STIM1: variants seen among roughly 807,000 people sequenced by gnomAD.
STIM1 encodes stromal interaction molecule 1.
In STIM1, 25 loss-of-function variants were observed where a neutral mutation model predicts 74.7. The observed-to-expected ratio is 0.33, with a 90% CI of 0.24 to 0.47. STIM1 has a LOEUF of 0.47. Among genes scored for constraint, STIM1 ranks in the 20% least tolerant of loss-of-function variants. The probability of loss-of-function intolerance (pLI) is 1.00; values close to 1 mark genes in which losing one functional copy is unlikely to be tolerated. For synonymous variants in STIM1, 328 were observed against 348.8 expected (o/e 0.94, Z 0.66); for missense variants, 728 against 920.8 (o/e 0.79, Z 2.71).
At chr11:3,952,163 C>T (rs566937231) in intron 1 of STIM1, among the ~76,000 whole-genome samples, 2 of 152,138 alleles carry the variant, frequency 1.3e-5, no homozygotes, top group Non-Finnish European at 2.9e-5. Context: ...CCTGTAATCC[C>T]AGCACTTTGG....
chr11:4,088,133 C>G (rs907504939), intron 12 of STIM1, among the ~76,000 whole-genome samples: 2 of 152,094 alleles, frequency 1.3e-5, no homozygotes, highest in African/African-American at 4.8e-5. Context: ...GGTTTTTCTT[C>G]CACAGCTTTG....
intron 1 of STIM1, among the ~76,000 whole-genome samples, chr11:3,906,100 A>G (rs1402430943): frequency 3.3e-5 from 5 of 152,250 alleles, no homozygotes; most frequent in Non-Finnish European, 2.9e-5. Flanking sequence ...GGACTGTTAC[A>G]GAGGAAAAAA....
At chr11:4,083,622 A>C in intron 10 of STIM1, 124 bp downstream of exon 10, 1 of 935,242 alleles carries the variant, frequency 1.1e-6, no homozygotes. Flanking sequence ...TCAACTCATG[A>C]CCTTGGTCAA....
intron 7 of STIM1, among the ~76,000 whole-genome samples, chr11:4,076,722 C>CTTTTTTTT (rs57222257): frequency 8.3e-6 from 1 of 120,082 alleles, no homozygotes; most frequent in African/African-American, 3.0e-5. Flanking sequence ...TCAGGAATCT[C>CTTTTTTTT]TTTTTTTTTT....
intron 1 of STIM1, 94 bp from the exon 2 acceptor site, chr11:3,967,458 G>A (rs2093349999): frequency 3.1e-6 from 5 of 1,598,264 alleles, no homozygotes; most frequent in South Asian, 1.1e-5. Context: ...TACATGAGGA[G>A]TCAGATGCTA....
chr11:4,074,443 G>T lies in STIM1; in HGVS notation c.792-59G>T, dbSNP rs146231947. 7,194 of 1,596,190 alleles carry T rather than the reference G, an allele frequency of 4.5e-3. 180 individuals are homozygous for T. The Admixed American group carries it at 0.054, about 12-fold the overall frequency. The stretch of plus-strand genomic sequence containing the variant: ...TTCCTCTTTGATGCCATGACTCATG[G>T]CATGTTGGCTGGCACCCCCTTGCCT... On this transcript the variant is annotated intron_variant, in intron 6 of 12. Transcript: ENST00000526596.
chr11:3,908,929 A>C (rs995080151), intron 1 of STIM1, among the ~76,000 whole-genome samples: 1 of 152,140 alleles, frequency 6.6e-6, no homozygotes, highest in Non-Finnish European at 1.5e-5. Context: ...CTTCCTGTGC[A>C]CCATTTGACC....
At position 4,048,457 on chromosome 11, in the gene STIM1, T is replaced by A. The variant is rs763240264; in HGVS notation, c.386-7069T>A. Among the ~76,000 whole-genome samples, 6 of 152,284 alleles carry A rather than the reference T, an allele frequency of 3.9e-5. No individual in the cohort carries two copies. In the South Asian group the frequency reaches 6.2e-4, roughly 16 times the overall value. On this transcript the variant is annotated intron_variant, in intron 3 of 12. Coordinates refer to ENST00000526596, the MANE Select transcript of STIM1 (RefSeq NM_001382567.1). ...ATCCAATAAAATGATGCTTTTTTGC[T>A]GAAAATCAGTTGCTTCCAGGCTCTT...
intron 1 of STIM1, among the ~76,000 whole-genome samples, chr11:3,905,645 A>G (rs1379005292): frequency 6.6e-6 from 1 of 152,194 alleles, no homozygotes; most frequent in Non-Finnish European, 1.5e-5. Flanking sequence ...CATTAGACAC[A>G]TCTCTGATGC....
At chr11:3,891,583 T>G (rs1247513442) in intron 1 of STIM1, among the ~76,000 whole-genome samples, 1 of 152,162 alleles carries the variant, frequency 6.6e-6, no homozygotes, top group African/African-American at 2.4e-5. Flanking sequence ...CTGTGCAGGC[T>G]CACTATTGTA....
chr11:4,086,862 G>A lies in STIM1; in HGVS notation c.1634+319G>A, dbSNP rs118128831. On this transcript the variant is annotated intron_variant, in intron 12 of 12. Coordinates refer to ENST00000526596, the MANE Select transcript of STIM1 (RefSeq NM_001382567.1). Reference sequence around the variant, plus strand: ...TGCCTGGGCATTCAGAGAGCTTGGGGTATCAGCTGTCTCTCTTTTCTTTCT... The same window carrying A: ...TGCCTGGGCATTCAGAGAGCTTGGGATATCAGCTGTCTCTCTTTTCTTTCT... 17,509 of 1,529,748 alleles carry A rather than the reference G, an allele frequency of 0.011. 136 individuals carry two copies. Among genetic ancestry groups the A allele is most frequent in the Non-Finnish European group, 0.014 (15,572 of 1,141,554 alleles). The allele number at this position is 1,529,748 out of a possible 1,614,324, so 94.8% of individuals were successfully genotyped here.
intron 2 of STIM1, among the ~76,000 whole-genome samples, chr11:3,982,366 C>T (rs183217465): frequency 1.6e-3 from 240 of 152,282 alleles, no homozygotes; most frequent in African/African-American, 5.4e-3. Flanking sequence ...CTTTCATTTC[C>T]TTACCGTCAA....
intron 3 of STIM1, among the ~76,000 whole-genome samples, chr11:4,044,880 A>G (rs539315869): frequency 1.3e-5 from 2 of 152,268 alleles, no homozygotes; most frequent in Non-Finnish European, 2.9e-5. Context: ...ATGTTGAACA[A>G]TATCTGGAGA....
chr11:3,943,462 G>A (rs2093034935), intron 1 of STIM1, among the ~76,000 whole-genome samples: 2 of 152,104 alleles, frequency 1.3e-5, no homozygotes, highest in Admixed American at 1.3e-4. Context: ...TTAATTACCT[G>A]TCTTCTTCAC....
intron 1 of STIM1, among the ~76,000 whole-genome samples, chr11:3,901,586 A>T (rs1184941513): frequency 6.6e-6 from 1 of 152,214 alleles, no homozygotes; most frequent in Non-Finnish European, 1.5e-5. Flanking sequence ...TGTTTAACAT[A>T]GATTACATCT....
intron 7 of STIM1, among the ~76,000 whole-genome samples, chr11:4,081,764 A>AT (rs922411182): frequency 6.6e-4 from 100 of 152,294 alleles, no homozygotes; most frequent in African/African-American, 2.2e-3. Context: ...CCAGAACTAG[A>AT]TTTTCAGATT....
Position 3,941,696 on chromosome 11 carries a change from A to AGAGAGAGAGAGT in STIM1, c.140-25855_140-25854insAGAGAGAGAGTG, listed in dbSNP as rs1214690521. Among the ~76,000 whole-genome samples, 798 of 141,750 alleles carry AGAGAGAGAGAGT rather than the reference A, an allele frequency of 5.6e-3. 9 individuals are homozygous for AGAGAGAGAGAGT. Among genetic ancestry groups the AGAGAGAGAGAGT allele is most frequent in the African/African-American group, 0.02 (748 of 37,312 alleles). The allele number at this position is 141,750 out of a possible 152,430, so 93.0% of individuals were successfully genotyped here. On this transcript the variant is annotated intron_variant, in intron 1 of 12. Transcript: ENST00000526596. Reference sequence around the variant, plus strand: ...TATAGAGAGAGAGAGAGAGAGAGAGAGTGTGTGTGTGTCTCAGTGTCACTG... The same window carrying AGAGAGAGAGAGT: ...TATAGAGAGAGAGAGAGAGAGAGAGAGAGAGAGAGAGTGTGTGTGTGTGTCTCAGTGTCACTG...
chr11:4,001,114 T>C (rs974750268), intron 2 of STIM1, among the ~76,000 whole-genome samples: 2 of 152,166 alleles, frequency 1.3e-5, no homozygotes, highest in Non-Finnish European at 2.9e-5. Flanking sequence ...GTCTGATTGG[T>C]GTACCTGAAA....
intron 3 of STIM1, among the ~76,000 whole-genome samples, chr11:4,045,876 T>C (rs967819734): frequency 6.9e-6 from 1 of 145,044 alleles, no homozygotes; most frequent in East Asian, 2.1e-4. Flanking sequence ...AAGTGATCCT[T>C]CCACCTCAGC....
Sources: gnomAD v4.1 joint callset for allele counts (sites outside exome capture counted in the v4.1 genomes callset) on GRCh38, gnomAD v4.1.1 for gene constraint, MANE v1.5 for transcripts, NCBI Gene and HGNC (gene_info 2026-07-23, HGNC 2026-07-21) for gene names.